PRKN: variants seen among roughly 807,000 people sequenced by gnomAD.
PRKN encodes E3 ubiquitin-protein ligase parkin.
A neutral mutation model predicts 59.5 loss-of-function variants in PRKN; 56 were observed. The ratio of observed to expected loss-of-function variants is 0.94; its 90% CI spans 0.76 to 1.18. PRKN has a LOEUF of 1.18. Ranked by LOEUF, PRKN falls within the 50% of genes most tolerant of loss-of-function variation. The pLI, the probability that PRKN is intolerant of heterozygous loss-of-function variation, is 0.00. For synonymous variants in PRKN, 250 were observed against 222.1 expected (o/e 1.13, Z -1.12); for missense variants, 657 against 596.4 (o/e 1.10, Z -1.06).
intron 7 of PRKN, among the ~76,000 whole-genome samples, chr6:161,611,090 T>C (rs1478892207): frequency 6.6e-6 from 1 of 152,140 alleles, no homozygotes; most frequent in Admixed American, 6.5e-5. Flanking sequence ...GCCACTGTGG[T>C]TTTTGTCTGG....
chr6:161,441,121 C>T (rs951518932), intron 9 of PRKN, among the ~76,000 whole-genome samples: 7 of 152,120 alleles, frequency 4.6e-5, no homozygotes, highest in East Asian at 1.9e-4. Context: ...GGCCTATCTG[C>T]GGCACAAAAC....
At chr6:162,334,713 C>T (rs935407062) in intron 2 of PRKN, among the ~76,000 whole-genome samples, 48 of 152,088 alleles carry the variant, frequency 3.2e-4, no homozygotes, top group Non-Finnish European at 4.4e-5. Context: ...TATAGCTGTC[C>T]CAGATATTGA....
At chr6:162,168,438 T>C (rs1446871462) in intron 4 of PRKN, among the ~76,000 whole-genome samples, 4 of 151,812 alleles carry the variant, frequency 2.6e-5, no homozygotes, top group African/African-American at 4.8e-5. Context: ...ACTTGAAATC[T>C]TACTTTTAAT....
At chr6:162,423,545 G>A (rs139855212) in intron 2 of PRKN, among the ~76,000 whole-genome samples, 77 of 152,254 alleles carry the variant, frequency 5.1e-4, no homozygotes, top group Admixed American at 3.7e-3. Flanking sequence ...ACAATGACAG[G>A]GAGTAGGAGA....
intron 4 of PRKN, among the ~76,000 whole-genome samples, chr6:162,170,904 TAAGA>T (rs1278138981): frequency 6.7e-6 from 1 of 150,362 alleles, no homozygotes; most frequent in Non-Finnish European, 1.5e-5. Context: ...ATAAATTTAA[TAAGA>T]AAGGTAAATA....
chr6:161,866,010 T>G (rs1794097164), intron 6 of PRKN, among the ~76,000 whole-genome samples: 1 of 152,174 alleles, frequency 6.6e-6, no homozygotes, highest in African/African-American at 2.4e-5. Flanking sequence ...TTAAACACTT[T>G]GAGCCCATTG....
At chr6:162,639,496 A>T (rs2023015) in intron 1 of PRKN, among the ~76,000 whole-genome samples, 123,006 of 152,096 alleles carry the variant, frequency 0.81, 49,948 homozygotes, top group East Asian at 0.95. Flanking sequence ...ATAAAATGGG[A>T]TAATGTCCAA....
chr6:161,663,680 G>A (rs77010823), intron 7 of PRKN, among the ~76,000 whole-genome samples: 2,668 of 152,172 alleles, frequency 0.018, 69 homozygotes, highest in African/African-American at 0.061. Flanking sequence ...TAACAACTTG[G>A]ACTTTTTATT....
rs530043027 is a variant in PRKN at position 161,883,440 on chromosome 6, T to C, written c.734+89862A>G. On this transcript the variant is annotated intron_variant, in intron 6 of 11. Transcript: ENST00000366898. Reference sequence around the variant, plus strand: ...AGGCTGAGGTTGCAGTGAGCTGAGATAGCGCCACTGCACTCCAGCCTGGGT... The same window carrying C: ...AGGCTGAGGTTGCAGTGAGCTGAGACAGCGCCACTGCACTCCAGCCTGGGT... 4.3e-4 allele frequency among the ~76,000 whole-genome samples: 61 copies of C among 141,944 alleles called. 2 individuals carry two copies. Among genetic ancestry groups the C allele is most frequent in the African/African-American group, 1.6e-3 (60 of 37,752 alleles). The allele number at this position is 141,944 out of a possible 152,430, so 93.1% of individuals were successfully genotyped here.
At chr6:162,534,775 G>A (rs540182460) in intron 1 of PRKN, among the ~76,000 whole-genome samples, 1 of 152,262 alleles carries the variant, frequency 6.6e-6, no homozygotes, top group Non-Finnish European at 1.5e-5. Context: ...AGTAGAGGCT[G>A]TGTGGAGAAG....
chr6:161,994,933 A>G (rs1435810682), intron 5 of PRKN, among the ~76,000 whole-genome samples: 1 of 152,090 alleles, frequency 6.6e-6, no homozygotes, highest in Non-Finnish European at 1.5e-5. Context: ...AGAAAAAAAA[A>G]AAACAGTCCT....
At chr6:161,807,272 C>G (rs1327850283) in intron 6 of PRKN, among the ~76,000 whole-genome samples, 1 of 152,310 alleles carries the variant, frequency 6.6e-6, no homozygotes, top group Middle Eastern at 3.4e-3. Flanking sequence ...CACACATACA[C>G]ACATAAACAT....
intron 2 of PRKN, among the ~76,000 whole-genome samples, chr6:162,418,268 G>A (rs563791802): frequency 1.3e-4 from 20 of 152,276 alleles, no homozygotes; most frequent in African/African-American, 3.6e-4. Flanking sequence ...GATATATATT[G>A]TGTAATTCCA....
intron 4 of PRKN, among the ~76,000 whole-genome samples, chr6:162,154,537 A>G (rs1782418492): frequency 6.6e-6 from 1 of 151,530 alleles, no homozygotes; most frequent in Admixed American, 6.6e-5. Context: ...AAAAAAAAAA[A>G]AGGAAAAGAA....
At chr6:161,937,462 ACT>A (rs1209175701) in intron 6 of PRKN, among the ~76,000 whole-genome samples, 2 of 152,092 alleles carry the variant, frequency 1.3e-5, no homozygotes, top group Non-Finnish European at 2.9e-5. Flanking sequence ...CACTTGTTTC[ACT>A]CTGATGCTTT....
At chr6:161,387,617 T>C (rs1786317796) in intron 9 of PRKN, among the ~76,000 whole-genome samples, 1 of 152,220 alleles carries the variant, frequency 6.6e-6, no homozygotes, top group Non-Finnish European at 1.5e-5. Flanking sequence ...CCTTTAATAT[T>C]TGTTTACATT....
chr6:161,921,320 C>T (rs578016378), intron 6 of PRKN, among the ~76,000 whole-genome samples: 1 of 152,144 alleles, frequency 6.6e-6, no homozygotes. Context: ...ATAACAATGC[C>T]TTCTTCTGGA....
chr6:162,540,520 T>C (rs1051056889), intron 1 of PRKN, among the ~76,000 whole-genome samples: 1 of 152,022 alleles, frequency 6.6e-6, no homozygotes, highest in African/African-American at 2.4e-5. Flanking sequence ...TAAGAGTATA[T>C]TAACTGGCTG....
chr6:162,420,066 T>C (rs1788873536), intron 2 of PRKN, among the ~76,000 whole-genome samples: 1 of 152,032 alleles, frequency 6.6e-6, no homozygotes, highest in South Asian at 2.1e-4. Flanking sequence ...CTTATTTCTA[T>C]TATTTGTACT....
Sources: allele counts gnomAD v4.1 joint callset (sites outside exome capture counted in the v4.1 genomes callset), GRCh38; gene constraint gnomAD v4.1.1; transcripts MANE v1.5; gene names NCBI Gene and HGNC (gene_info 2026-07-23, HGNC 2026-07-21).